Variants in COMMD10 observed in about 807,000 individuals in gnomAD.
COMMD10 encodes the protein COMM domain containing 10.
COMMD10 carries 33 observed loss-of-function variants against 28.9 expected under a neutral mutation model. The observed-to-expected ratio is 1.14, with a 90% CI of 0.87 to 1.53. COMMD10 has a LOEUF of 1.53. Among genes scored for constraint, COMMD10 ranks in the 40% most tolerant of loss-of-function variants. The pLI, the probability that COMMD10 is intolerant of heterozygous loss-of-function variation, is 0.00. For synonymous variants in COMMD10, 110 were observed against 81.7 expected, an observed-to-expected ratio of 1.35 and a Z score of -1.87; for missense variants, 310 against 233.4, an observed-to-expected ratio of 1.33 and a Z score of -2.14.
chr5:116,287,413 C>T (rs1387753468), intron 5 of COMMD10, among the ~76,000 whole-genome samples: 3 of 151,670 alleles, frequency 2.0e-5, no homozygotes, highest in Non-Finnish European at 2.9e-5. Flanking sequence ...TCTTTTGTTA[C>T]CATTTACACG....
At chr5:116,143,369 G>A (rs558676080) in intron 5 of COMMD10, among the ~76,000 whole-genome samples, 1 of 151,630 alleles carries the variant, frequency 6.6e-6, no homozygotes, top group South Asian at 2.1e-4. Flanking sequence ...GTATTTATGT[G>A]GAGAAAATGA....
intron 4 of COMMD10, among the ~76,000 whole-genome samples, chr5:116,099,493 A>G (rs961555534): frequency 3.9e-5 from 6 of 152,072 alleles, no homozygotes; most frequent in African/African-American, 1.4e-4. Flanking sequence ...TGATAGTTTT[A>G]TTTTTAATGT....
chr5:116,253,435 G>T (rs1214431218), intron 5 of COMMD10, among the ~76,000 whole-genome samples: 1 of 151,480 alleles, frequency 6.6e-6, no homozygotes, highest in Non-Finnish European at 1.5e-5. Context: ...CTGTGGATTT[G>T]TCATAGATAG....
chr5:116,278,128 A>C (rs928426181), intron 5 of COMMD10, among the ~76,000 whole-genome samples: 1 of 151,872 alleles, frequency 6.6e-6, no homozygotes, highest in African/African-American at 2.4e-5. Flanking sequence ...GTCATCAGAT[A>C]TGTACTTATC....
At chr5:116,247,653 C>G (rs950624186) in intron 5 of COMMD10, among the ~76,000 whole-genome samples, 8 of 152,086 alleles carry the variant, frequency 5.3e-5, no homozygotes, top group African/African-American at 1.9e-4. Context: ...GAGATCATAT[C>G]CTTTGCAGGG....
chr5:116,139,787 A>ATACG lies in COMMD10; in HGVS notation c.510+5610_510+5613dup, dbSNP rs528698660. The stretch of plus-strand genomic sequence containing the variant: ...ATTTTAAATTGTATATATTTAAGGT[A>ATACG]TACGGCATGCTGTTTTGATATAAAT... On this transcript the variant is annotated intron_variant, in intron 5 of 6. Coordinates refer to ENST00000274458, the MANE Select transcript of COMMD10 (RefSeq NM_016144.4). 2.0e-3 allele frequency among the ~76,000 whole-genome samples: 299 copies of ATACG among 151,874 alleles called. 1 individual carries two copies. The highest frequency in any genetic ancestry group is 6.8e-3 in the African/African-American group (283 of 41,528).
At chr5:116,142,161 G>C (rs866370501) in intron 5 of COMMD10, among the ~76,000 whole-genome samples, 6 of 151,698 alleles carry the variant, frequency 4.0e-5, no homozygotes, top group African/African-American at 1.5e-4. Flanking sequence ...TATAGGACTT[G>C]TTTAATTTTA....
At chr5:116,191,091 C>T (rs1418225877) in intron 5 of COMMD10, among the ~76,000 whole-genome samples, 2 of 152,076 alleles carry the variant, frequency 1.3e-5, no homozygotes, top group Non-Finnish European at 1.5e-5. Flanking sequence ...ATGATAGACT[C>T]ATGCTATTTC....
intron 5 of COMMD10, among the ~76,000 whole-genome samples, chr5:116,287,596 G>A (rs368559739): frequency 3.3e-5 from 5 of 151,648 alleles, no homozygotes; most frequent in African/African-American, 9.7e-5. Context: ...CGATAGGCAA[G>A]GACTTATTGC....
chr5:116,133,279 A>C (rs2112771427), intron 4 of COMMD10, among the ~76,000 whole-genome samples: 1 of 152,332 alleles, frequency 6.6e-6, no homozygotes, highest in East Asian at 1.9e-4. Flanking sequence ...TAGAGCTGTG[A>C]AGTTCAGTAT....
At chr5:116,189,546 A>T (rs764218530) in intron 5 of COMMD10, among the ~76,000 whole-genome samples, 8 of 152,140 alleles carry the variant, frequency 5.3e-5, no homozygotes, top group Admixed American at 2.0e-4. Context: ...TTTCCTACTT[A>T]ACTTAACCAG....
At chr5:116,113,145 A>T (rs535766823) in intron 4 of COMMD10, among the ~76,000 whole-genome samples, 2 of 152,132 alleles carry the variant, frequency 1.3e-5, no homozygotes, top group Non-Finnish European at 2.9e-5. Context: ...ATGTCGTCAC[A>T]TTTTTTCCTG....
intron 5 of COMMD10, among the ~76,000 whole-genome samples, chr5:116,171,882 C>T (rs186004738): frequency 1.3e-3 from 199 of 152,084 alleles, no homozygotes; most frequent in African/African-American, 4.4e-3. Flanking sequence ...ATGTAGATGA[C>T]GGGTTGATGG....
intron 5 of COMMD10, among the ~76,000 whole-genome samples, chr5:116,276,119 C>T (rs531917225): frequency 1.7e-3 from 253 of 151,034 alleles, no homozygotes; most frequent in South Asian, 3.6e-3. Flanking sequence ...GGAAATCAGG[C>T]GAGGTTTTGC....
At chr5:116,196,964 A>G (rs2112618986) in intron 5 of COMMD10, among the ~76,000 whole-genome samples, 1 of 152,316 alleles carries the variant, frequency 6.6e-6, no homozygotes, top group East Asian at 1.9e-4. Context: ...CCTATCTTTC[A>G]GTATGTGCTT....
chr5:116,103,314 C>T (rs565654628), intron 4 of COMMD10, among the ~76,000 whole-genome samples: 8 of 152,370 alleles, frequency 5.3e-5, no homozygotes, highest in East Asian at 1.9e-4. Context: ...TATTTCTCCA[C>T]ATCCTCTTCA....
At chr5:116,110,350 G>C (rs1213766100) in intron 4 of COMMD10, among the ~76,000 whole-genome samples, 4 of 152,128 alleles carry the variant, frequency 2.6e-5, no homozygotes, top group African/African-American at 9.7e-5. Flanking sequence ...TTGTGTCCTT[G>C]TCTGGTTTTG....
chr5:116,257,050 G>T (rs1333709168), intron 5 of COMMD10, among the ~76,000 whole-genome samples: 1 of 151,686 alleles, frequency 6.6e-6, no homozygotes, highest in Non-Finnish European at 1.5e-5. Flanking sequence ...TTTGTTAAAA[G>T]GTTACTCTAC....
At position 116,244,121 on chromosome 5, in the gene COMMD10, A is replaced by G. The variant is rs556134471; in HGVS notation, c.511-47396A>G. On this transcript the variant is annotated intron_variant, in intron 5 of 6. Coordinates refer to ENST00000274458, the MANE Select transcript of COMMD10 (RefSeq NM_016144.4). ...CTCAAGGCAACTTCAAGAACTGTTG[A>G]TAGTACAGAGAAATGGATATCACAG... is the stretch of plus-strand genomic sequence containing the variant. 8.5e-5 allele frequency among the ~76,000 whole-genome samples: 13 copies of G among 152,266 alleles called. No homozygotes were observed. In the South Asian group the frequency reaches 1.9e-3, roughly 22 times the overall value.
Sources: allele counts gnomAD v4.1 joint callset (sites outside exome capture counted in the v4.1 genomes callset), GRCh38; gene constraint gnomAD v4.1.1; transcripts MANE v1.5; gene names NCBI Gene and HGNC (gene_info 2026-07-23, HGNC 2026-07-21).